The following SPOCK1 variants were observed in gnomAD, a reference collection of about 807,000 sequenced individuals.
The protein encoded by SPOCK1 is SPARC (osteonectin), cwcv and kazal like domains proteoglycan 1.
In SPOCK1, 23 loss-of-function variants were observed where a neutral mutation model predicts 55.3. The observed-to-expected ratio is 0.42, with a 90% confidence interval of 0.30 to 0.59. SPOCK1 has a LOEUF of 0.59. Among genes scored for constraint, SPOCK1 ranks in the 20% least tolerant of loss-of-function variants. The pLI, the probability that SPOCK1 is intolerant of heterozygous loss-of-function variation, is 0.22. For synonymous variants in SPOCK1, 226 were observed against 221.0 expected (o/e 1.02, Z -0.20); for missense variants, 499 against 552.5 (o/e 0.90, Z 0.97).
At chr5:137,030,088 CTGTATTA>C (rs1751750267) in intron 6 of SPOCK1, among the ~76,000 whole-genome samples, 1 of 152,220 alleles carries the variant, frequency 6.6e-6, no homozygotes, top group Non-Finnish European at 1.5e-5. Context: ...AGTTCACACA[CTGTATTA>C]TAAACTCTTC....
chr5:137,455,305 G>T (rs935066603), intron 2 of SPOCK1, among the ~76,000 whole-genome samples: 2 of 152,182 alleles, frequency 1.3e-5, no homozygotes, highest in African/African-American at 2.4e-5. Flanking sequence ...GGAGGGACTT[G>T]CCCGGAGTCC....
At position 137,495,968 on chromosome 5, in the gene SPOCK1, A is replaced by G. The variant is rs565121446; in HGVS notation, c.186+2405T>C. On this transcript the variant is annotated intron_variant, in intron 2 of 10. Coordinates refer to ENST00000394945, the MANE Select transcript of SPOCK1 (RefSeq NM_004598.4). ...AGATGTTTTAATGGCATGCTGGATT[A>G]AATTATCATTTTTTAAATATATGCT... is the stretch of plus-strand genomic sequence containing the variant. Among the ~76,000 whole-genome samples the G allele has an allele frequency of 4.6e-5, 7 of 152,328 alleles. No homozygotes were observed. The South Asian group carries it at 1.4e-3, about 32-fold the overall frequency.
intron 2 of SPOCK1, among the ~76,000 whole-genome samples, chr5:137,455,911 C>T (rs900161626): frequency 1.3e-5 from 2 of 152,068 alleles, no homozygotes; most frequent in African/African-American, 4.8e-5. Flanking sequence ...GTGGTGCACA[C>T]CTAGCTACAC....
chr5:137,282,729 C>A (rs143485657), intron 2 of SPOCK1, among the ~76,000 whole-genome samples: 62 of 152,310 alleles, frequency 4.1e-4, no homozygotes, highest in African/African-American at 1.4e-3. Context: ...CCGGTCCCTG[C>A]CATGAAGAGA....
intron 2 of SPOCK1, among the ~76,000 whole-genome samples, chr5:137,468,707 A>C (rs1753672141): frequency 6.6e-6 from 1 of 152,232 alleles, no homozygotes; most frequent in Non-Finnish European, 1.5e-5. Flanking sequence ...ATTGAGTGTC[A>C]GCTGAAAGTC....
At chr5:137,253,406 A>G (rs1400622217) in intron 3 of SPOCK1, among the ~76,000 whole-genome samples, 1 of 152,220 alleles carries the variant, frequency 6.6e-6, no homozygotes, top group Non-Finnish European at 1.5e-5. Context: ...CTGCATAGAC[A>G]TAACTTTGGT....
chr5:137,024,314 A>AG (rs10692964), intron 6 of SPOCK1, among the ~76,000 whole-genome samples: 5,071 of 119,082 alleles, frequency 0.043, 246 homozygotes, highest in East Asian at 0.19. Context: ...ACCAGTTTGA[A>AG]GGGGGGGGGG....
chr5:136,978,840 C>G lies in SPOCK1; in HGVS notation c.1134G>C (p.Glu378Asp), dbSNP rs762106115. Residue 378 changes from glutamate (E) to aspartate (D), a missense_variant, in exon 11 of 11, where the codon GAG becomes GAC. This residue lies in a region of SPOCK1 where 83 missense variants were observed against 87.5 expected (regional missense o/e 0.95). Transcript: ENST00000394945. ...SRKQGAVSCE[E>D]EQETSGDFGS... ...CAAAATCCCCTGAGGTTTCCTGCTC[C>G]TCTTCTGAAAGATTAAAAAAAGCAT... 33 of 1,607,104 alleles carry G rather than the reference C, an allele frequency of 2.1e-5. No homozygotes were observed. The highest frequency in any genetic ancestry group is 2.5e-6 in the Non-Finnish European group (3 of 1,177,290).
chr5:137,053,679 T>G, intron 6 of SPOCK1, among the ~76,000 whole-genome samples: 1 of 148,998 alleles, frequency 6.7e-6, no homozygotes, highest in Non-Finnish European at 1.5e-5. Context: ...GTCTGAAGCT[T>G]TAGGCTTGGC....
At chr5:137,489,331 C>A (rs1252075142) in intron 2 of SPOCK1, among the ~76,000 whole-genome samples, 1 of 152,112 alleles carries the variant, frequency 6.6e-6, no homozygotes, top group East Asian at 1.9e-4. Context: ...AAGGAGCAAC[C>A]CCATGTATAC....
intron 1 of SPOCK1, among the ~76,000 whole-genome samples, chr5:137,498,907 C>T (rs539263609): frequency 0.13 from 84 of 640 alleles, 1 homozygote; most frequent in Middle Eastern, 0.5. Context: ...CGCACTCCCA[C>T]AGACGGTGCG....
At chr5:136,982,986 T>G (rs1750761785) in intron 9 of SPOCK1, among the ~76,000 whole-genome samples, 1 of 152,112 alleles carries the variant, frequency 6.6e-6, no homozygotes. Flanking sequence ...TGGGTAATCT[T>G]TATTTATAAT....
intron 4 of SPOCK1, among the ~76,000 whole-genome samples, chr5:137,129,296 C>T (rs1753831660): frequency 6.6e-6 from 1 of 152,240 alleles, no homozygotes; most frequent in African/African-American, 2.4e-5. Flanking sequence ...GAGAACACTT[C>T]CTCTCCTCTC....
chr5:137,042,740 G>C (rs1200272309), intron 6 of SPOCK1, among the ~76,000 whole-genome samples: 1 of 152,130 alleles, frequency 6.6e-6, no homozygotes, highest in African/African-American at 2.4e-5. Context: ...TTACAGATAA[G>C]CAAGGGGAGG....
intron 2 of SPOCK1, among the ~76,000 whole-genome samples, chr5:137,479,971 TAATC>T (rs1753915848): frequency 6.6e-6 from 1 of 152,106 alleles, no homozygotes; most frequent in South Asian, 2.1e-4. Context: ...GAGGGTTAAA[TAATC>T]AATCAGACAT....
At chr5:137,240,934 G>A (rs4976425) in intron 3 of SPOCK1, among the ~76,000 whole-genome samples, 15,897 of 152,224 alleles carry the variant, frequency 0.1, 961 homozygotes, top group Admixed American at 0.15. Context: ...ATACTTCAGT[G>A]TAAGTGAAGA....
chr5:137,315,514 C>T (rs533116786), intron 2 of SPOCK1, among the ~76,000 whole-genome samples: 3 of 152,204 alleles, frequency 2.0e-5, no homozygotes, highest in Non-Finnish European at 4.4e-5. Context: ...AGCACTTTAC[C>T]TTCAATGCCT....
intron 3 of SPOCK1, among the ~76,000 whole-genome samples, chr5:137,227,741 G>A (rs983048543): frequency 1.3e-5 from 2 of 152,188 alleles, no homozygotes; most frequent in Non-Finnish European, 1.5e-5. Flanking sequence ...ATGAGGGCAA[G>A]TTATCGTAGG....
intron 6 of SPOCK1, among the ~76,000 whole-genome samples, chr5:137,010,624 C>G (rs1183660199): frequency 6.6e-6 from 1 of 152,090 alleles, no homozygotes; most frequent in Non-Finnish European, 1.5e-5. Context: ...CTCACCAGCA[C>G]ACACATAAAG....
Sources: allele counts gnomAD v4.1 joint callset (sites outside exome capture counted in the v4.1 genomes callset), GRCh38; gene constraint gnomAD v4.1.1; regional missense constraint gnomAD v4.1.1; transcripts MANE v1.5; gene names NCBI Gene and HGNC (gene_info 2026-07-23, HGNC 2026-07-21).